Variants in OSBPL10 observed in about 807,000 individuals in gnomAD.
OSBPL10 encodes the protein oxysterol-binding protein-related protein 10.
OSBPL10 carries 49 observed loss-of-function variants against 81.7 expected under a neutral mutation model. That is an observed-to-expected ratio of 0.60 (90% CI 0.48 to 0.76). The LOEUF is 0.76. Among genes scored for constraint, OSBPL10 ranks in the 30% least tolerant of loss-of-function variants. The probability of loss-of-function intolerance (pLI) is 0.00; values close to 1 mark genes in which losing one functional copy is unlikely to be tolerated. For synonymous variants in OSBPL10, 419 were observed against 383.6 expected, an observed-to-expected ratio of 1.09 and a Z score of -1.08; for missense variants, 923 against 987.8, an observed-to-expected ratio of 0.93 and a Z score of 0.88.
Position 31,926,567 on chromosome 3 carries a change from A to T in OSBPL10, c.282-46737T>A, listed in dbSNP as rs867794448. On this transcript the variant is annotated intron_variant, in intron 1 of 11. Coordinates refer to ENST00000396556, the MANE Select transcript of OSBPL10 (RefSeq NM_017784.5). ...AGGAAATCACAAAAATTTGCAGCAC[A>T]TATGCCATAAGCATATTCAGAAAGC... Among the ~76,000 whole-genome samples the T allele has an allele frequency of 3.3e-5, 5 of 152,176 alleles. No individual in the cohort carries two copies. The South Asian group carries it at 6.2e-4, about 19-fold the overall frequency.
chr3:31,736,267 T>C (rs563407328), intron 5 of OSBPL10, among the ~76,000 whole-genome samples: 1 of 152,162 alleles, frequency 6.6e-6, no homozygotes, highest in Non-Finnish European at 1.5e-5. Context: ...CACATAAAAA[T>C]GGTCAGGATG....
chr3:31,904,072 G>A (rs1559512122), intron 1 of OSBPL10, among the ~76,000 whole-genome samples: 1 of 152,102 alleles, frequency 6.6e-6, no homozygotes, highest in Admixed American at 6.6e-5. Flanking sequence ...TTCTCACAAG[G>A]GCTGACAGGT....
At chr3:31,936,424 T>C (rs1161161749) in intron 1 of OSBPL10, among the ~76,000 whole-genome samples, 2 of 152,246 alleles carry the variant, frequency 1.3e-5, no homozygotes, top group Non-Finnish European at 2.9e-5. Context: ...CAAGAATAAA[T>C]GTGCATATTT....
intron 4 of OSBPL10, among the ~76,000 whole-genome samples, chr3:31,783,111 T>TTTTATATATATATATA (rs1048319563): frequency 2.1e-4 from 26 of 121,584 alleles, no homozygotes; most frequent in African/African-American, 3.3e-4. Flanking sequence ...AATATATCTA[T>TTTTATATATATATATA]TATATATATA....
At chr3:31,828,792 C>G (rs1196925949) in intron 4 of OSBPL10, among the ~76,000 whole-genome samples, 1 of 152,204 alleles carries the variant, frequency 6.6e-6, no homozygotes, top group Non-Finnish European at 1.5e-5. Flanking sequence ...CTTGGCCTCC[C>G]AAAGTGCTGG....
chr3:31,789,028 GA>G (rs1479319194), intron 4 of OSBPL10, among the ~76,000 whole-genome samples: 1 of 151,896 alleles, frequency 6.6e-6, no homozygotes, highest in African/African-American at 2.4e-5. Context: ...ACCCAGGCTG[GA>G]GTGCGGTGGC....
rs964318562 is a variant in OSBPL10, at chr3:31,926,863, C to T, written c.282-47033G>A. Among the ~76,000 whole-genome samples the T allele has an allele frequency of 5.9e-5, 9 of 152,184 alleles. No homozygotes were observed. In the South Asian group the frequency reaches 6.3e-4, roughly 11 times the overall value. ...GGTGGCTCATGCCTGTAATCCCAAC[C>T]CTTTGAGAGGCTGAGGCAGGTGGAT... On this transcript the variant is annotated intron_variant, in intron 1 of 11. Transcript: ENST00000396556.
chr3:31,748,128 AC>A lies in OSBPL10; in HGVS notation c.730-9del. 3 of 1,607,170 alleles carry A rather than the reference AC, an allele frequency of 1.9e-6. No homozygotes were observed. The highest frequency in any genetic ancestry group is 2.6e-6 in the Non-Finnish European group (3 of 1,176,410). On this transcript the variant is annotated splice_polypyrimidine_tract_variant and intron_variant, in intron 4 of 11. Transcript: ENST00000396556. ...TTCCACCTGGTTCATCATCTACAAA[AC>A]AAGAAGACAGTAAGGAGGTGAGGGG...
intron 1 of OSBPL10, among the ~76,000 whole-genome samples, chr3:31,965,541 ATAT>A (rs1321294435): frequency 4.2e-5 from 2 of 47,444 alleles, no homozygotes; most frequent in Non-Finnish European, 5.9e-5. Context: ...TATATAAATT[ATAT>A]ATTATATATT....
chr3:31,785,627 C>T (rs924374231), intron 4 of OSBPL10, among the ~76,000 whole-genome samples: 1 of 151,894 alleles, frequency 6.6e-6, no homozygotes, highest in African/African-American at 2.4e-5. Flanking sequence ...CCACCGACCT[C>T]TCTGAGCCGT....
At chr3:31,692,923 A>G (rs1695598850) in intron 7 of OSBPL10, among the ~76,000 whole-genome samples, 1 of 152,244 alleles carries the variant, frequency 6.6e-6, no homozygotes, top group Non-Finnish European at 1.5e-5. Flanking sequence ...GTGTGGATTG[A>G]TGAACTGCTG....
At chr3:31,903,423 G>A (rs1696312668) in intron 1 of OSBPL10, among the ~76,000 whole-genome samples, 2 of 150,286 alleles carry the variant, frequency 1.3e-5, no homozygotes, top group African/African-American at 4.9e-5. Context: ...TGACCCCCTA[G>A]GCCCAAGCAA....
At chr3:31,869,969 G>C (rs2125615993) in intron 3 of OSBPL10, among the ~76,000 whole-genome samples, 1 of 152,350 alleles carries the variant, frequency 6.6e-6, no homozygotes, top group East Asian at 1.9e-4. Context: ...GCAGTCCTCA[G>C]AGCCCTCGCC....
At chr3:31,913,670 T>C (rs1394293663) in intron 1 of OSBPL10, among the ~76,000 whole-genome samples, 3 of 152,178 alleles carry the variant, frequency 2.0e-5, no homozygotes, top group Admixed American at 2.0e-4. Context: ...TCAGAAACAA[T>C]TAGAAAACTG....
chr3:31,953,012 A>G lies in OSBPL10; in HGVS notation c.281+27887T>C, dbSNP rs112703190. ...CAATGGTGCAATCTCGGCTCACTGC[A>G]ACCTCCGCCTCCAGGGTTCAAGCAA... On this transcript the variant is annotated intron_variant, in intron 1 of 11. Coordinates refer to ENST00000396556, the MANE Select transcript of OSBPL10 (RefSeq NM_017784.5). 1.4e-3 allele frequency among the ~76,000 whole-genome samples: 209 copies of G among 148,288 alleles called. No individual in the cohort carries two copies. The Middle Eastern group carries it at 0.039, about 28-fold the overall frequency.
intron 4 of OSBPL10, among the ~76,000 whole-genome samples, chr3:31,774,206 CTTTTCAGGAGATTCCT>C (rs1698478330): frequency 6.6e-6 from 1 of 151,136 alleles, no homozygotes; most frequent in African/African-American, 2.4e-5. Flanking sequence ...ACAGATGATG[CTTTTCAGGAGATTCCT>C]TTTAAAAGGG....
intron 4 of OSBPL10, among the ~76,000 whole-genome samples, chr3:31,763,305 G>C (rs1698108716): frequency 6.6e-6 from 1 of 152,130 alleles, no homozygotes; most frequent in Non-Finnish European, 1.5e-5. Context: ...TTAATCTACT[G>C]TCATTTCTCA....
chr3:31,780,068 G>A (rs1698647997), intron 4 of OSBPL10, among the ~76,000 whole-genome samples: 1 of 152,184 alleles, frequency 6.6e-6, no homozygotes, highest in Non-Finnish European at 1.5e-5. Flanking sequence ...CAAGGCAGGT[G>A]GATCATGAGG....
At chr3:31,985,824 G>A (rs1424387806), upstream of OSBPL10, among the ~76,000 whole-genome samples, 2 of 152,192 alleles carry the variant, frequency 1.3e-5, no homozygotes, top group Non-Finnish European at 2.9e-5. Flanking sequence ...TCTGCTTTAA[G>A]TGTTTTACAC....
Sources: gnomAD v4.1 joint callset for allele counts (sites outside exome capture counted in the v4.1 genomes callset) on GRCh38, gnomAD v4.1.1 for gene constraint, MANE v1.5 for transcripts, NCBI Gene and HGNC (gene_info 2026-07-23, HGNC 2026-07-21) for gene names.